RIMBP2: variants seen among roughly 807,000 people sequenced by gnomAD.
RIMBP2 encodes RIMS binding protein 2.
A neutral mutation model predicts 118.6 loss-of-function variants in RIMBP2; 48 were observed. The observed-to-expected ratio is 0.40, with a 90% CI of 0.32 to 0.51. The LOEUF (loss-of-function observed/expected upper bound fraction) is 0.51. Ranked by LOEUF, RIMBP2 falls within the 20% of genes least tolerant of loss-of-function variation. The pLI is 0.41. For missense variants in RIMBP2, 1,551 were observed against 1,768.3 expected, an observed-to-expected ratio of 0.88 and a Z score of 2.20; for synonymous variants, 762 against 742.9, an observed-to-expected ratio of 1.03 and a Z score of -0.42.
Position 130,442,818 on chromosome 12 carries a change from T to A in RIMBP2, c.692-158A>T, listed in dbSNP as rs2078237940. The stretch of plus-strand genomic sequence containing the variant: ...CCCAGGAGTCCATGCTGGGGCCAGC[T>A]CCACACCCACCATCTAAAGAGCCAG... On this transcript the variant is annotated intron_variant, in intron 10 of 22. Transcript: ENST00000690449. The surrounding 1 kb of genome is among the most constrained non-coding windows in gnomAD (Gnocchi z 6.9). Among the ~76,000 whole-genome samples the A allele has an allele frequency of 6.6e-6, 1 of 152,138 alleles. No homozygotes were observed.
rs142080484 is a variant in RIMBP2 at position 130,419,254 on chromosome 12, G to A, written c.3238+3199C>T. Among the ~76,000 whole-genome samples the A allele has an allele frequency of 3.9e-4, 59 of 152,236 alleles. No individual in the cohort carries two copies. The highest frequency in any genetic ancestry group is 8.4e-4 in the Non-Finnish European group (57 of 68,024). ...ACCTACAGCTGTCTGTCTGACCCTG[G>A]GGGGAGTGGGCACTGCCTCCCATCC... On this transcript the variant is annotated intron_variant, in intron 17 of 22. Coordinates refer to ENST00000690449, the MANE Select transcript of RIMBP2 (RefSeq NM_001393629.1). This position sits in a 1 kb window ranked among gnomAD's most constrained non-coding sequence, Gnocchi z 4.3.
intron 14 of RIMBP2, chr12:130,429,622 A>G (rs552821493): frequency 6.6e-6 from 1 of 152,328 alleles, no homozygotes; most frequent in East Asian, 1.9e-4. Context: ...AAGGTATTCA[A>G]TAGCATTCTG....
intron 2 of RIMBP2, among the ~76,000 whole-genome samples, chr12:130,521,054 T>A (rs577970962): frequency 1.3e-5 from 2 of 152,280 alleles, no homozygotes; most frequent in South Asian, 4.1e-4. Flanking sequence ...CTGACATGCA[T>A]GTGTTTGCAG....
intron 2 of RIMBP2, among the ~76,000 whole-genome samples, chr12:130,571,496 T>C (rs559817500): frequency 5.0e-4 from 75 of 150,372 alleles, no homozygotes; most frequent in African/African-American, 1.6e-3. Context: ...CTCGGCTCAC[T>C]GCAACCTCCG....
intron 6 of RIMBP2, among the ~76,000 whole-genome samples, chr12:130,457,686 C>T (rs969800005): frequency 6.6e-5 from 10 of 152,224 alleles, no homozygotes; most frequent in African/African-American, 1.9e-4. Flanking sequence ...CGTTTCTTGT[C>T]GGTGTCCACG....
intron 1 of RIMBP2, among the ~76,000 whole-genome samples, chr12:130,650,958 T>TAAAAAA (rs397700189): frequency 4.0e-5 from 5 of 125,596 alleles, no homozygotes; most frequent in Non-Finnish European, 6.7e-5. Flanking sequence ...TTGTTTTTTT[T>TAAAAAA]AAAAAAAAAA....
At chr12:130,647,578 G>C (rs2063047628) in intron 1 of RIMBP2, among the ~76,000 whole-genome samples, 1 of 144,924 alleles carries the variant, frequency 6.9e-6, no homozygotes, top group Non-Finnish European at 1.6e-5. Context: ...ACCAGTCTTT[G>C]TTCTAAATTT....
intron 2 of RIMBP2, among the ~76,000 whole-genome samples, chr12:130,549,168 C>T: frequency 6.6e-6 from 1 of 152,144 alleles, no homozygotes; most frequent in East Asian, 1.9e-4. Context: ...TAACTCTAGG[C>T]TGGTGGATAT....
chr12:130,432,346 C>T lies in RIMBP2; in HGVS notation c.2253+2388G>A, dbSNP rs916151561. The T allele has an allele frequency of 8.8e-6, 4 of 455,778 alleles. 1 individual carries two copies. The highest frequency in any genetic ancestry group is 1.8e-5 in the Non-Finnish European group (4 of 226,710). The allele number at this position is 455,778 out of a possible 1,614,324, so 28.2% of individuals were successfully genotyped here. A position where few individuals can be genotyped will look rare whatever the true frequency, so the allele number is the denominator to read the frequency against. ...CCTGTATACATAAAATAAGAGCTTACGTTTACTGAGCACTTACTACTTGCC... is the reference window on the plus strand; with the variant it reads ...CCTGTATACATAAAATAAGAGCTTATGTTTACTGAGCACTTACTACTTGCC... On this transcript the variant is annotated intron_variant, in intron 14 of 22. Transcript: ENST00000690449.
At chr12:130,682,132 C>G (rs532277606) in intron 1 of RIMBP2, among the ~76,000 whole-genome samples, 3 of 152,176 alleles carry the variant, frequency 2.0e-5, no homozygotes, top group South Asian at 4.1e-4. Context: ...GCCCTTGTCC[C>G]GTATCCCGGT....
chr12:130,625,539 T>C (rs1228605486), intron 2 of RIMBP2, among the ~76,000 whole-genome samples: 4 of 151,686 alleles, frequency 2.6e-5, no homozygotes, highest in African/African-American at 7.3e-5. Context: ...GCCCACTCTT[T>C]CAAACAGTCA....
At chr12:130,603,335 G>C (rs1257315598) in intron 2 of RIMBP2, among the ~76,000 whole-genome samples, 1 of 152,158 alleles carries the variant, frequency 6.6e-6, no homozygotes, top group Non-Finnish European at 1.5e-5. Context: ...ATAGAAGTGA[G>C]CACATCCTAT....
chr12:130,706,914 C>T (rs531870485), intron 1 of RIMBP2, among the ~76,000 whole-genome samples: 178 of 152,306 alleles, frequency 1.2e-3, no homozygotes, highest in Non-Finnish European at 2.0e-3. Flanking sequence ...CCACAAGCTC[C>T]GCCAGGTCTA....
intron 1 of RIMBP2, among the ~76,000 whole-genome samples, chr12:130,693,023 T>C (rs1263035416): frequency 2.6e-5 from 4 of 152,036 alleles, no homozygotes; most frequent in Non-Finnish European, 5.9e-5. Context: ...TTGCATCAGC[T>C]CCATTTTACA....
intron 4 of RIMBP2, among the ~76,000 whole-genome samples, chr12:130,506,009 T>C (rs2050308033): frequency 1.3e-5 from 2 of 150,864 alleles, no homozygotes; most frequent in African/African-American, 4.9e-5. Context: ...TGGTAATATA[T>C]GTACTGGATC....
At chr12:130,644,991 C>T (rs2062789672) in intron 1 of RIMBP2, among the ~76,000 whole-genome samples, 1 of 152,220 alleles carries the variant, frequency 6.6e-6, no homozygotes, top group Non-Finnish European at 1.5e-5. Flanking sequence ...CTGTGAAATA[C>T]TCAGGAACAC....
chr12:130,683,111 A>T lies in RIMBP2; in HGVS notation c.-352+33111T>A, dbSNP rs1347503127. Among the ~76,000 whole-genome samples the T allele has an allele frequency of 6.6e-6, 1 of 152,274 alleles. No homozygotes were observed. Among genetic ancestry groups the T allele is most frequent in the East Asian group, 1.9e-4 (1 of 5,182 alleles). ...ATTTGGAAACAGGGTCTGTGCAGGT[A>T]TAATTAAGGTAAGGGTAGAGATGAG... On this transcript the variant is annotated intron_variant, in intron 1 of 22. Transcript: ENST00000690449. This position sits in a 1 kb window ranked among gnomAD's most constrained non-coding sequence, Gnocchi z 4.4.
intron 2 of RIMBP2, among the ~76,000 whole-genome samples, chr12:130,603,572 T>C (rs2059991504): frequency 6.6e-6 from 1 of 152,204 alleles, no homozygotes; most frequent in Non-Finnish European, 1.5e-5. Flanking sequence ...TTATGGAGAC[T>C]GACAGATGGG....
rs528140975 is a variant in RIMBP2 at position 130,489,575 on chromosome 12, T to A, written c.-3-10559A>T. Among the ~76,000 whole-genome samples, 8 of 152,226 alleles carry A rather than the reference T, an allele frequency of 5.3e-5. No individual in the cohort carries two copies. In the South Asian group the frequency reaches 1.7e-3, roughly 32 times the overall value. ...TAGAGGCTCCGTCTCCTGTAGAGGCTCCATCTCCTGTCTCTAACCCACGGT... is the reference window on the plus strand; with the variant it reads ...TAGAGGCTCCGTCTCCTGTAGAGGCACCATCTCCTGTCTCTAACCCACGGT... On this transcript the variant is annotated intron_variant, in intron 4 of 22. Transcript: ENST00000690449.
Sources: gnomAD v4.1 joint callset for allele counts (sites outside exome capture counted in the v4.1 genomes callset) on GRCh38, gnomAD v4.1.1 for gene constraint, Gnocchi (gnomAD v3.1) non-coding constraint, MANE v1.5 for transcripts, NCBI Gene and HGNC (gene_info 2026-07-23, HGNC 2026-07-21) for gene names.